Variants in UCK2 observed in about 807,000 individuals in gnomAD.
UCK2 encodes the protein uridine-cytidine kinase 2.
In UCK2, 6 loss-of-function variants were observed where a neutral mutation model predicts 30.8. The ratio of observed to expected loss-of-function variants is 0.19; its 90% CI spans 0.11 to 0.38. The LOEUF is 0.38. Ranked by LOEUF, UCK2 falls within the 10% of genes least tolerant of loss-of-function variation. UCK2 has a pLI of 1.00. For synonymous variants in UCK2, 125 were observed against 133.6 expected (o/e 0.94, Z 0.45); for missense variants, 210 against 339.8 (o/e 0.62, Z 3.00).
intron 1 of UCK2, among the ~76,000 whole-genome samples, chr1:165,845,373 T>A (rs1266197645): frequency 6.6e-6 from 1 of 152,224 alleles, no homozygotes; most frequent in Non-Finnish European, 1.5e-5. Context: ...TTTGTTTTCC[T>A]CATAAAGCTT....
intron 1 of UCK2, among the ~76,000 whole-genome samples, chr1:165,874,408 G>A (rs888533184): frequency 5.9e-5 from 9 of 152,208 alleles, no homozygotes; most frequent in Non-Finnish European, 1.3e-4. Context: ...CCGTCCAGTG[G>A]CAGCGGGCTT....
intron 1 of UCK2, among the ~76,000 whole-genome samples, chr1:165,833,937 C>T (rs1654119577): frequency 6.6e-6 from 1 of 150,582 alleles, no homozygotes; most frequent in South Asian, 2.1e-4. Context: ...TAAGTATAAC[C>T]CATATATAAT....
At chr1:165,869,711 C>A (rs1350858572) in intron 1 of UCK2, among the ~76,000 whole-genome samples, 1 of 128,716 alleles carries the variant, frequency 7.8e-6, no homozygotes, top group Admixed American at 9.1e-5. Flanking sequence ...CTCTGTCACT[C>A]ACGCTGGAGT....
intron 1 of UCK2, among the ~76,000 whole-genome samples, chr1:165,883,918 T>C (rs1470947487): frequency 6.6e-6 from 1 of 152,230 alleles, no homozygotes; most frequent in Non-Finnish European, 1.5e-5. Flanking sequence ...TTGAACCTTG[T>C]TCTTAGTTTT....
intron 5 of UCK2, among the ~76,000 whole-genome samples, chr1:165,904,673 A>G (rs1647592502): frequency 6.6e-6 from 1 of 152,186 alleles, no homozygotes; most frequent in African/African-American, 2.4e-5. Context: ...TAAGCCAGGA[A>G]CTTGGACCTG....
intron 1 of UCK2, among the ~76,000 whole-genome samples, chr1:165,854,144 G>A (rs1440832034): frequency 6.6e-6 from 1 of 152,302 alleles, no homozygotes; most frequent in South Asian, 2.1e-4. Context: ...CTTTCTGAGC[G>A]CATAGGAAGC....
At chr1:165,885,507 G>A (rs1247349980) in intron 1 of UCK2, 1 of 392,410 alleles carries the variant, frequency 2.5e-6, no homozygotes, top group Non-Finnish European at 4.5e-6. Flanking sequence ...AGTCCTAGCA[G>A]ACCTTTAACC....
At chr1:165,867,968 T>C (rs1655089708) in intron 1 of UCK2, among the ~76,000 whole-genome samples, 1 of 152,246 alleles carries the variant, frequency 6.6e-6, no homozygotes, top group Non-Finnish European at 1.5e-5. Context: ...GAAATGTATT[T>C]CTTAAATAAT....
chr1:165,885,832 G>C lies in UCK2; in HGVS notation c.100-4372G>C, dbSNP rs181682999. On this transcript the variant is annotated intron_variant, in intron 1 of 6. Transcript: ENST00000367879. ...TATGCAAATGAGATCATTTTAAAGT[G>C]CTGAGCCCAGTACCTAGCATATAGA... 2.6e-5 allele frequency among the ~76,000 whole-genome samples: 4 copies of C among 152,278 alleles called. No homozygotes were observed. In the East Asian group the frequency reaches 7.7e-4, roughly 29 times the overall value.
chr1:165,886,676 G>A (rs1655622703), intron 1 of UCK2, among the ~76,000 whole-genome samples: 1 of 152,208 alleles, frequency 6.6e-6, no homozygotes, highest in South Asian at 2.1e-4. Flanking sequence ...GGCAAAAGGA[G>A]AACACAGAGA....
Position 165,908,428 on chromosome 1 carries a change from C to A in UCK2, c.*605C>A, listed in dbSNP as rs377214990. 1 of 107,076 alleles carries A rather than the reference C, an allele frequency of 9.3e-6. No individual in the cohort carries two copies. The highest frequency in any genetic ancestry group is 1.8e-5 in the Non-Finnish European group (1 of 55,560). The allele number at this position is 107,076 out of a possible 1,614,324, so 6.6% of individuals were successfully genotyped here. Reference sequence around the variant, plus strand: ...AGATACTCTTGTCTTTTTTTTTTTTCTTTTCTTTTTTTTTTTTGAGTTGAA... The same window carrying A: ...AGATACTCTTGTCTTTTTTTTTTTTATTTTCTTTTTTTTTTTTGAGTTGAA... On this transcript the variant is annotated 3_prime_UTR_variant, in exon 7 of 7. Transcript: ENST00000367879.
At chr1:165,880,594 T>G (rs1037566433) in intron 1 of UCK2, among the ~76,000 whole-genome samples, 295 of 149,664 alleles carry the variant, frequency 2.0e-3, no homozygotes, top group Non-Finnish European at 3.3e-3. Context: ...TGTGTGTGTG[T>G]GTGTGTGTGT....
intron 6 of UCK2, among the ~76,000 whole-genome samples, chr1:165,906,815 T>G (rs1249982105): frequency 6.6e-6 from 1 of 152,270 alleles, no homozygotes; most frequent in African/African-American, 2.4e-5. Context: ...TTAAAAAGAT[T>G]ATTTCTTGAG....
chr1:165,832,712 G>C (rs759569040), intron 1 of UCK2, among the ~76,000 whole-genome samples: 2 of 152,004 alleles, frequency 1.3e-5, no homozygotes, highest in Non-Finnish European at 2.9e-5. Context: ...TCCTGCCTCA[G>C]CCTCCCAAGT....
At chr1:165,877,640 C>G (rs1655372909) in intron 1 of UCK2, among the ~76,000 whole-genome samples, 1 of 152,150 alleles carries the variant, frequency 6.6e-6, no homozygotes, top group Admixed American at 6.5e-5. Flanking sequence ...TATGGATATA[C>G]CGTAGTTTAA....
intron 1 of UCK2, among the ~76,000 whole-genome samples, chr1:165,873,441 TTCTG>T (rs913488009): frequency 1.3e-5 from 2 of 152,312 alleles, no homozygotes; most frequent in South Asian, 2.1e-4. Flanking sequence ...AGCCAATCAT[TTCTG>T]TCTTTGTTTT....
At chr1:165,878,423 T>G (rs1265381783) in intron 1 of UCK2, among the ~76,000 whole-genome samples, 1 of 151,916 alleles carries the variant, frequency 6.6e-6, no homozygotes, top group East Asian at 1.9e-4. Flanking sequence ...CTCCACCTTC[T>G]GGGTTCAAGC....
chr1:165,906,113 A>C (rs975733684), intron 6 of UCK2, 144 bp downstream of exon 6: 2 of 756,136 alleles, frequency 2.6e-6, no homozygotes, highest in African/African-American at 3.5e-5. Context: ...GAACCTTTCC[A>C]CCTACACGTC....
intron 1 of UCK2, among the ~76,000 whole-genome samples, chr1:165,836,661 C>T (rs1007549124): frequency 2.0e-5 from 3 of 152,126 alleles, no homozygotes; most frequent in African/African-American, 4.8e-5. Flanking sequence ...CACCTTTTTG[C>T]ATGGATTCAG....
Sources: allele counts gnomAD v4.1 joint callset (sites outside exome capture counted in the v4.1 genomes callset), GRCh38; gene constraint gnomAD v4.1.1; transcripts MANE v1.5; gene names NCBI Gene and HGNC (gene_info 2026-07-23, HGNC 2026-07-21).